PAMR1: variants seen among roughly 807,000 people sequenced by gnomAD.
PAMR1 encodes peptidase domain containing associated with muscle regeneration 1, also known as inactive serine protease PAMR1.
In PAMR1, 88 loss-of-function variants were observed where a neutral mutation model predicts 81.8. That is an observed-to-expected ratio of 1.08 (90% CI 0.91 to 1.28). The LOEUF is 1.28. Ranked by LOEUF, PAMR1 falls within the 50% of genes most tolerant of loss-of-function variation. The pLI, the probability that PAMR1 is intolerant of heterozygous loss-of-function variation, is 0.00. For missense variants in PAMR1, 935 were observed against 919.7 expected (o/e 1.02, Z -0.21); for synonymous variants, 336 against 345.3 (o/e 0.97, Z 0.30).
chr11:35,477,866 C>T (rs1269932750), intron 3 of PAMR1, among the ~76,000 whole-genome samples: 1 of 152,134 alleles, frequency 6.6e-6, no homozygotes, highest in Non-Finnish European at 1.5e-5. Context: ...TTTGCCCGCT[C>T]CCTTTTTGAA....
chr11:35,526,711 A>C (rs1851400161), upstream of PAMR1, among the ~76,000 whole-genome samples: 1 of 152,190 alleles, frequency 6.6e-6, no homozygotes, highest in Non-Finnish European at 1.5e-5. Flanking sequence ...TAGGCTATAG[A>C]GCTTCTTAGG....
At chr11:35,518,048 C>T (rs937279005) in intron 1 of PAMR1, among the ~76,000 whole-genome samples, 8 of 152,086 alleles carry the variant, frequency 5.3e-5, no homozygotes, top group African/African-American at 1.9e-4. Context: ...ATCTCATTTC[C>T]ACGAGGGCTT....
chr11:35,527,573 G>T (rs1329675496), upstream of PAMR1, among the ~76,000 whole-genome samples: 1 of 152,174 alleles, frequency 6.6e-6, no homozygotes, highest in Non-Finnish European at 1.5e-5. Flanking sequence ...GAGGGCAGAG[G>T]TTCGAAGAAG....
At chr11:35,486,039 A>G (rs1015618094) in intron 3 of PAMR1, among the ~76,000 whole-genome samples, 1 of 152,244 alleles carries the variant, frequency 6.6e-6, no homozygotes, top group African/African-American at 2.4e-5. Flanking sequence ...TGAATTCCCT[A>G]CACATTTATT....
chr11:35,432,534 G>C lies in PAMR1; in HGVS notation c.1985C>G (p.Thr662Ser). ...AGCCGCGATGCCTCCTGTCTCTGCAGTGCAGATATCAGAAGGGGCAGTGGG... is the reference window on the plus strand; with the variant it reads ...AGCCGCGATGCCTCCTGTCTCTGCACTGCAGATATCAGAAGGGGCAGTGGG... ...WEPTAPSDIC[T>S]AETGGIAAVS... The change falls in exon 11 of 11, where the codon ACT becomes AGT. Residue 662 changes from threonine (T) to serine (S), a missense_variant. Transcript: ENST00000619888. 1 of 1,614,256 alleles carries C rather than the reference G, an allele frequency of 6.2e-7. No individual in the cohort carries two copies.
At chr11:35,478,814 AGAG>A (rs1425003487) in intron 3 of PAMR1, among the ~76,000 whole-genome samples, 3 of 152,012 alleles carry the variant, frequency 2.0e-5, no homozygotes, top group Non-Finnish European at 4.4e-5. Context: ...CTGCAGGAGA[AGAG>A]GGGTATAGGT....
intron 6 of PAMR1, among the ~76,000 whole-genome samples, chr11:35,449,575 G>A (rs948277982): frequency 6.6e-6 from 1 of 152,132 alleles, no homozygotes; most frequent in African/African-American, 2.4e-5. Flanking sequence ...GACCAGCAGG[G>A]GAAAATGGCC....
At chr11:35,529,859 T>C (rs1016762807), upstream of PAMR1, 1 of 152,198 alleles carries the variant, frequency 6.6e-6, no homozygotes, top group Non-Finnish European at 1.5e-5. Context: ...AAAAATTGGC[T>C]GTAATAGACA....
At chr11:35,472,285 AG>A (rs2078418942) in intron 4 of PAMR1, among the ~76,000 whole-genome samples, 6 of 152,318 alleles carry the variant, frequency 3.9e-5, no homozygotes, top group Admixed American at 3.9e-4. Flanking sequence ...CAGAAGCCAC[AG>A]TTTTTTCCGA....
At chr11:35,437,855 G>A (rs1469336918) in intron 8 of PAMR1, among the ~76,000 whole-genome samples, 3 of 152,196 alleles carry the variant, frequency 2.0e-5, no homozygotes, top group Non-Finnish European at 4.4e-5. Context: ...ACACAGATCA[G>A]GAAAGAGGGC....
At chr11:35,446,079 G>A (rs1042354644) in intron 6 of PAMR1, among the ~76,000 whole-genome samples, 5 of 152,114 alleles carry the variant, frequency 3.3e-5, no homozygotes, top group Non-Finnish European at 7.4e-5. Context: ...ATGTGTCCAG[G>A]AATTTATCCA....
At chr11:35,526,720 G>C (rs1302281471), upstream of PAMR1, among the ~76,000 whole-genome samples, 2 of 152,180 alleles carry the variant, frequency 1.3e-5, no homozygotes. Flanking sequence ...GAGCTTCTTA[G>C]GATGCTACAT....
At chr11:35,464,236 T>G (rs2135371185) in intron 6 of PAMR1, among the ~76,000 whole-genome samples, 1 of 152,378 alleles carries the variant, frequency 6.6e-6, no homozygotes, top group African/African-American at 2.4e-5. Context: ...TCTTAAGGAC[T>G]TGGATGAATA....
chr11:35,437,516 T>C (rs1856077195), intron 8 of PAMR1, among the ~76,000 whole-genome samples: 1 of 152,206 alleles, frequency 6.6e-6, no homozygotes, highest in African/African-American at 2.4e-5. Flanking sequence ...CTCAGGGAGC[T>C]CCTGAACTTG....
At chr11:35,514,203 A>G (rs1851122310) in intron 1 of PAMR1, among the ~76,000 whole-genome samples, 1 of 152,236 alleles carries the variant, frequency 6.6e-6, no homozygotes, top group Admixed American at 6.5e-5. Context: ...TTGAAAAAAC[A>G]CAATGAGCAT....
At chr11:35,437,494 T>C (rs67910620) in intron 8 of PAMR1, among the ~76,000 whole-genome samples, 19,911 of 152,260 alleles carry the variant, frequency 0.13, 1,421 homozygotes, top group African/African-American at 0.16. Flanking sequence ...ATGTTTATAA[T>C]GAGGTCTGTA....
rs146419823 is a variant in PAMR1 at position 35,492,097 on chromosome 11, C to G, written c.327G>C (p.Lys109Asn). Residue 109 changes from lysine to asparagine, a missense_variant, in exon 3 of 11, where the codon AAG (lysine) becomes AAC (asparagine). Coordinates refer to ENST00000619888, the MANE Select transcript of PAMR1 (RefSeq NM_001001991.3). ...CTCGGCACTCTGCACAGTAGAACCCCTTCACATAGAAGTCATCCAAGGTAC... is the reference window on the plus strand; with the variant it reads ...CTCGGCACTCTGCACAGTAGAACCCGTTCACATAGAAGTCATCCAAGGTAC... Reference protein sequence around the residue: ...WGGTLDDFYVKGFYCAECRAG... With the variant: ...WGGTLDDFYVNGFYCAECRAG... 2,108 of 1,614,152 alleles carry G rather than the reference C, an allele frequency of 1.3e-3. 9 individuals carry two copies. Among genetic ancestry groups the G allele is most frequent in the Non-Finnish European group, 8.0e-4 (943 of 1,179,984 alleles).
chr11:35,471,125 T>C (rs1014438816), intron 4 of PAMR1, among the ~76,000 whole-genome samples: 1 of 152,358 alleles, frequency 6.6e-6, no homozygotes, highest in East Asian at 1.9e-4. Context: ...TCCCAGTCTG[T>C]GTGGCTGGTT....
intron 3 of PAMR1, among the ~76,000 whole-genome samples, chr11:35,484,597 C>T (rs1408836125): frequency 6.6e-6 from 1 of 152,224 alleles, no homozygotes; most frequent in Non-Finnish European, 1.5e-5. Context: ...ATAACTCACC[C>T]TACAAACATT....
Sources: allele counts gnomAD v4.1 joint callset (sites outside exome capture counted in the v4.1 genomes callset), GRCh38; gene constraint gnomAD v4.1.1; transcripts MANE v1.5; gene names NCBI Gene and HGNC (gene_info 2026-07-23, HGNC 2026-07-21).